RNF43: variants seen among roughly 807,000 people sequenced by gnomAD.
RNF43 encodes the protein E3 ubiquitin-protein ligase RNF43.
Under a neutral mutation model 78.4 loss-of-function variants are expected in RNF43, and 37 were observed. The ratio of observed to expected loss-of-function variants is 0.47; its 90% CI spans 0.36 to 0.62. The LOEUF is 0.62. Ranked by LOEUF, RNF43 falls within the 20% of genes least tolerant of loss-of-function variation. RNF43 has a pLI of 0.00. For missense variants in RNF43, 774 were observed against 1,007.9 expected (o/e 0.77, Z 3.14); for synonymous variants, 347 against 395.0 (o/e 0.88, Z 1.44).
In RNF43 at chr17:58,359,423, T is replaced by C. The variant is rs1427962710; in HGVS notation, c.953-600A>G. Among the ~76,000 whole-genome samples the C allele has an allele frequency of 2.7e-5, 4 of 148,222 alleles. No homozygotes were observed. In the East Asian group the frequency reaches 6.1e-4, roughly 22 times the overall value. ...CATCCTGGCTAACATGGTGAAACCC[T>C]GTCTCTACTAAAAGTCCAAAAAAAA... On this transcript the variant is annotated intron_variant, in intron 8 of 9. Coordinates refer to ENST00000407977, the MANE Select transcript of RNF43 (RefSeq NM_017763.6).
At chr17:58,393,589 C>T (rs558198786) in intron 2 of RNF43, among the ~76,000 whole-genome samples, 5 of 152,088 alleles carry the variant, frequency 3.3e-5, no homozygotes, top group Admixed American at 6.5e-5. Context: ...AGATTTTTGA[C>T]GTGCAGGAAG....
chr17:58,359,181 A>G (rs1173036608), intron 8 of RNF43, among the ~76,000 whole-genome samples: 1 of 152,256 alleles, frequency 6.6e-6, no homozygotes, highest in Non-Finnish European at 1.5e-5. Flanking sequence ...AATTATGTTA[A>G]CATACTGATT....
rs530161473 is a variant in RNF43 at position 58,415,840 on chromosome 17, T to C, written c.-263A>G. 1.9e-6 allele frequency: 1 copy of C among 525,582 alleles called. No homozygotes were observed. Among genetic ancestry groups the C allele is most frequent in the Admixed American group, 3.2e-5 (1 of 30,998 alleles). 32.6% of individuals were successfully genotyped at this position (525,582 alleles called of 1,614,324 possible). On this transcript the variant is annotated 5_prime_UTR_variant, in exon 2 of 10. Transcript: ENST00000407977. ...TTTCTCCCATCTTCACTGTGACTAG[T>C]AAAGATCTCACCACTTCTCTTTGGA...
chr17:58,376,302 G>A (rs1379169869), intron 2 of RNF43, among the ~76,000 whole-genome samples: 1 of 152,186 alleles, frequency 6.6e-6, no homozygotes, highest in African/African-American at 2.4e-5. Flanking sequence ...GCTACTCTAT[G>A]AGGAGAAGTG....
At chr17:58,371,698 T>G (rs1973100628) in intron 2 of RNF43, among the ~76,000 whole-genome samples, 1 of 152,212 alleles carries the variant, frequency 6.6e-6, no homozygotes, top group Non-Finnish European at 1.5e-5. Flanking sequence ...GGCTAAGACA[T>G]AAGCTTTGAC....
At chr17:58,371,071 GGCA>G (rs763058814) in intron 2 of RNF43, 38 bp from the exon 3 acceptor site, 7 of 1,526,148 alleles carry the variant, frequency 4.6e-6, no homozygotes, top group Non-Finnish European at 6.2e-6. Flanking sequence ...GGAGGCTTTA[GGCA>G]GCAGGAGTGA....
intron 2 of RNF43, among the ~76,000 whole-genome samples, chr17:58,410,781 G>A (rs940451505): frequency 3.9e-5 from 6 of 152,134 alleles, no homozygotes; most frequent in African/African-American, 1.2e-4. Context: ...CACAAAATGA[G>A]AGAAATAGAA....
At chr17:58,394,840 C>T (rs1007815751) in intron 2 of RNF43, 3 of 152,178 alleles carry the variant, frequency 2.0e-5, no homozygotes, top group Non-Finnish European at 4.4e-5. Flanking sequence ...TGTCTTTGAA[C>T]TTTAGGACTT....
chr17:58,406,769 T>A (rs775714445), intron 2 of RNF43, among the ~76,000 whole-genome samples: 8 of 147,950 alleles, frequency 5.4e-5, no homozygotes, highest in South Asian at 2.1e-4. Flanking sequence ...TTTTTTTTTT[T>A]AAAATAGCAA....
intron 1 of RNF43, chr17:58,416,263 T>C (rs1248236421): frequency 6.6e-6 from 1 of 152,534 alleles, no homozygotes; most frequent in Non-Finnish European, 1.5e-5. Context: ...GCCCACTGCA[T>C]TTACATACTT....
At chr17:58,364,125 G>T (rs1328957482) in intron 3 of RNF43, among the ~76,000 whole-genome samples, 1 of 152,208 alleles carries the variant, frequency 6.6e-6, no homozygotes, top group Non-Finnish European at 1.5e-5. Context: ...CTAAGAGCCT[G>T]GGACGCCACT....
intron 2 of RNF43, among the ~76,000 whole-genome samples, chr17:58,371,706 G>C (rs1973100861): frequency 6.6e-6 from 1 of 152,176 alleles, no homozygotes; most frequent in African/African-American, 2.4e-5. Flanking sequence ...CATAAGCTTT[G>C]ACAGCTCACC....
intron 8 of RNF43, among the ~76,000 whole-genome samples, chr17:58,359,915 A>G (rs886978804): frequency 6.6e-6 from 1 of 152,150 alleles, no homozygotes; most frequent in African/African-American, 2.4e-5. Context: ...AATGAGAGTG[A>G]AACTCCGTCT....
At chr17:58,400,672 C>T (rs1973777858) in intron 2 of RNF43, among the ~76,000 whole-genome samples, 1 of 152,212 alleles carries the variant, frequency 6.6e-6, no homozygotes, top group Non-Finnish European at 1.5e-5. Flanking sequence ...ACTGAGAGCA[C>T]TTTTCACTGT....
chr17:58,385,000 A>G (rs1285803264), intron 2 of RNF43, among the ~76,000 whole-genome samples: 1 of 152,234 alleles, frequency 6.6e-6, no homozygotes, highest in Non-Finnish European at 1.5e-5. Context: ...ATGCTACAGC[A>G]AGACAAACAG....
rs778962170 is a variant in RNF43 at position 58,363,599 on chromosome 17, G to C, written c.377C>G (p.Ala126Gly). 1 of 1,610,594 alleles carries C rather than the reference G, an allele frequency of 6.2e-7. No individual in the cohort carries two copies. The highest frequency in any genetic ancestry group is 8.5e-7 in the Non-Finnish European group (1 of 1,177,632). ...PRPCLSLASK[A>G]RMAGERGASA... ...GGCTCCTCGCTCACCCGCCATCCGA[G>C]CCTGCAGAGGCACACAGTAGAGGTT... Residue 126 changes from alanine (A) to glycine (G), a missense_variant and splice_region_variant, in exon 4 of 10, where the codon GCT (alanine) becomes GGT (glycine). By Grantham distance (60) the Ala-to-Gly change is moderately conservative. Transcript: ENST00000407977.
intron 2 of RNF43, among the ~76,000 whole-genome samples, chr17:58,402,420 G>A (rs973941594): frequency 6.6e-6 from 1 of 152,150 alleles, no homozygotes; most frequent in Non-Finnish European, 1.5e-5. Context: ...GCCTAAATTT[G>A]CCCTATCCAT....
chr17:58,378,229 G>C (rs895138824), intron 2 of RNF43, among the ~76,000 whole-genome samples: 1 of 152,146 alleles, frequency 6.6e-6, no homozygotes, highest in Non-Finnish European at 1.5e-5. Context: ...GGGAATTGTC[G>C]AGAGGAGTTT....
At chr17:58,372,686 G>C (rs1161404514) in intron 2 of RNF43, among the ~76,000 whole-genome samples, 1 of 152,206 alleles carries the variant, frequency 6.6e-6, no homozygotes, top group Non-Finnish European at 1.5e-5. Flanking sequence ...ATGTTACAAT[G>C]CAAGGGGCCT....
Sources: gnomAD v4.1 joint callset for allele counts (sites outside exome capture counted in the v4.1 genomes callset) on GRCh38, gnomAD v4.1.1 for gene constraint, MANE v1.5 for transcripts, NCBI Gene and HGNC (gene_info 2026-07-23, HGNC 2026-07-21) for gene names.